Variants in RBM46 observed in about 807,000 individuals in gnomAD.
RBM46 encodes the protein RNA binding motif protein 46, also known as probable RNA-binding protein 46.
Under a neutral mutation model 43.3 loss-of-function variants are expected in RBM46, and 12 were observed. That is an observed-to-expected ratio of 0.28 (90% CI 0.18 to 0.45). The LOEUF is 0.45. Ranked by LOEUF, RBM46 falls within the 20% of genes least tolerant of loss-of-function variation. The pLI is 1.00. For synonymous variants in RBM46, 205 were observed against 207.6 expected, an observed-to-expected ratio of 0.99 and a Z score of 0.11; for missense variants, 412 against 639.1, an observed-to-expected ratio of 0.64 and a Z score of 3.83.
At position 154,811,611 on chromosome 4, in the gene RBM46, A is replaced by G. The variant is rs771687203; in HGVS notation, c.1402+12047A>G. ...TAGATTTTGTGCTAAATGCCTTTAT[A>G]TGATGTATTAGTCTCACAGTTCCTT... On this transcript the variant is annotated intron_variant, in intron 4 of 4. Transcript: ENST00000281722. 2.0e-5 allele frequency among the ~76,000 whole-genome samples: 3 copies of G among 151,716 alleles called. No homozygotes were observed. The East Asian group carries it at 5.8e-4, about 29-fold the overall frequency.
chr4:154,792,142 A>G (rs191454304), intron 1 of RBM46, among the ~76,000 whole-genome samples: 14 of 152,326 alleles, frequency 9.2e-5, no homozygotes, highest in Admixed American at 5.2e-4. Context: ...CAGATTTCTG[A>G]TTTGAATACC....
chr4:154,814,937 A>C (rs541401978), intron 4 of RBM46, among the ~76,000 whole-genome samples: 1 of 151,808 alleles, frequency 6.6e-6, no homozygotes, highest in African/African-American at 2.4e-5. Context: ...ATGAGGGACT[A>C]TGTCGGTATA....
At chr4:154,794,661 T>G (rs1023119288) in intron 1 of RBM46, among the ~76,000 whole-genome samples, 1 of 152,188 alleles carries the variant, frequency 6.6e-6, no homozygotes. Context: ...AAGTACACCT[T>G]TATATAAGGC....
At chr4:154,827,448 TG>T (rs1736017991) in intron 4 of RBM46, 1 of 996,280 alleles carries the variant, frequency 1.0e-6, no homozygotes, top group African/African-American at 1.7e-5. Context: ...GCTGGTTTGA[TG>T]CCTAATACAG....
chr4:154,788,327 A>G (rs201817), intron 1 of RBM46, among the ~76,000 whole-genome samples: 4,981 of 152,232 alleles, frequency 0.033, 289 homozygotes, highest in African/African-American at 0.11. Flanking sequence ...TAGGTCTAAC[A>G]TTTAAGTCTT....
At position 154,799,074 on chromosome 4, in the gene RBM46, A is replaced by G; in HGVS notation, c.912A>G (p.Thr304=). The change falls in exon 4 of 5, where the codon ACA becomes ACG. Residue 304 remains threonine (T), a synonymous_variant. Coordinates refer to ENST00000281722, the MANE Select transcript of RBM46 (RefSeq NM_144979.5). ...KCIDGASIEV[T]LAKPVNKENT... ...TTGATGGAGCAAGTATTGAGGTAAC[A>G]CTAGCTAAACCAGTAAATAAAGAAA... is the stretch of plus-strand genomic sequence containing the variant. 1.9e-6 allele frequency: 3 copies of G among 1,614,138 alleles called. No homozygotes were observed. Among genetic ancestry groups the G allele is most frequent in the East Asian group, 2.2e-5 (1 of 44,870 alleles).
intron 4 of RBM46, among the ~76,000 whole-genome samples, chr4:154,825,835 C>T (rs1224997045): frequency 1.3e-5 from 2 of 152,288 alleles, no homozygotes; most frequent in Admixed American, 1.3e-4. Context: ...ATCCACATTT[C>T]TTAAATAGGC....
chr4:154,827,581 C>T (rs1286780152), intron 4 of RBM46: 1 of 1,138,434 alleles, frequency 8.8e-7, no homozygotes, highest in East Asian at 5.3e-5. Flanking sequence ...GAGACGTTCT[C>T]TTTTTCTATA....
At chr4:154,814,805 TTATA>T (rs1375298320) in intron 4 of RBM46, among the ~76,000 whole-genome samples, 1 of 151,872 alleles carries the variant, frequency 6.6e-6, no homozygotes, top group African/African-American at 2.4e-5. Context: ...AACTTCTCCT[TTATA>T]TATATCACTG....
chr4:154,803,439 G>T (rs1469874657), intron 4 of RBM46, among the ~76,000 whole-genome samples: 1 of 152,014 alleles, frequency 6.6e-6, no homozygotes, highest in Non-Finnish European at 1.5e-5. Context: ...GGTGGCTCAC[G>T]CCTGTAATCC....
At chr4:154,787,036 G>C (rs1231033758) in intron 1 of RBM46, 2 of 152,150 alleles carry the variant, frequency 1.3e-5, no homozygotes, top group Non-Finnish European at 2.9e-5. Context: ...GAGGAATTGA[G>C]GGAAAGCTGA....
At position 154,828,205 on chromosome 4, in the gene RBM46, A is replaced by G; in HGVS notation, c.*138A>G. 1 of 647,830 alleles carries G rather than the reference A, an allele frequency of 1.5e-6. No individual in the cohort carries two copies. The highest frequency in any genetic ancestry group is 2.7e-6 in the Non-Finnish European group (1 of 371,916). The allele number at this position is 647,830 out of a possible 1,614,324, so 40.1% of individuals were successfully genotyped here. On this transcript the variant is annotated 3_prime_UTR_variant, in exon 5 of 5. Transcript: ENST00000281722. ...TATTTATTCCAAAGTACTAAACATC[A>G]GCTATAATTCAGAATAACATGGAGT...
intron 1 of RBM46, among the ~76,000 whole-genome samples, chr4:154,791,740 A>T (rs1415183213): frequency 1.3e-5 from 2 of 152,184 alleles, no homozygotes; most frequent in African/African-American, 4.8e-5. Flanking sequence ...AAAAAATAAG[A>T]TGCATATCTT....
chr4:154,818,187 C>G (rs1381359139), intron 4 of RBM46, among the ~76,000 whole-genome samples: 1 of 151,980 alleles, frequency 6.6e-6, no homozygotes, highest in African/African-American at 2.4e-5. Flanking sequence ...TTCCTTTGCC[C>G]TCTGTTTCTT....
At chr4:154,797,626 C>T (rs1734417946) in intron 2 of RBM46, among the ~76,000 whole-genome samples, 185 bp from the exon 3 acceptor site, 1 of 152,150 alleles carries the variant, frequency 6.6e-6, no homozygotes, top group African/African-American at 2.4e-5. Flanking sequence ...CACTTGTTAT[C>T]TCCCTTCTCT....
At chr4:154,785,586 TTAAC>T (rs1196552094) in intron 1 of RBM46, among the ~76,000 whole-genome samples, 1 of 152,180 alleles carries the variant, frequency 6.6e-6, no homozygotes, top group African/African-American at 2.4e-5. Flanking sequence ...TGCAACAGTC[TTAAC>T]TAGATTCTTG....
intron 4 of RBM46, among the ~76,000 whole-genome samples, chr4:154,825,750 G>A (rs138713801): frequency 6.6e-6 from 1 of 152,300 alleles, no homozygotes; most frequent in Non-Finnish European, 1.5e-5. Flanking sequence ...TCTGCTTTCT[G>A]AAATCTTTCC....
chr4:154,799,407 T>C lies in RBM46; in HGVS notation c.1245T>C (p.Tyr415=). 2.5e-6 allele frequency: 4 copies of C among 1,614,160 alleles called. No individual in the cohort carries two copies. The highest frequency in any genetic ancestry group is 3.4e-6 in the Non-Finnish European group (4 of 1,180,028). The part of the protein sequence containing the change: ...NNWAPPEYYL[Y]STTSQDGKVL... Reference sequence around the variant, plus strand: ...GGGCACCACCAGAATATTATTTATATTCAACAACAAGTCAAGATGGGAAAG... The same window carrying C: ...GGGCACCACCAGAATATTATTTATACTCAACAACAAGTCAAGATGGGAAAG... The change falls in exon 4 of 5, where the codon TAT becomes TAC. Residue 415 remains tyrosine (Y), a synonymous_variant. Coordinates refer to ENST00000281722, the MANE Select transcript of RBM46 (RefSeq NM_144979.5).
chr4:154,820,334 C>T, intron 4 of RBM46: 1 of 1,446,824 alleles, frequency 6.9e-7, no homozygotes, highest in Non-Finnish European at 9.3e-7. Flanking sequence ...TCTAAAGACT[C>T]AATTATTTTC....
Sources: allele counts gnomAD v4.1 joint callset (sites outside exome capture counted in the v4.1 genomes callset), GRCh38; gene constraint gnomAD v4.1.1; transcripts MANE v1.5; gene names NCBI Gene and HGNC (gene_info 2026-07-23, HGNC 2026-07-21).